The following DACH2 variants were observed in gnomAD, a reference collection of about 807,000 sequenced individuals.
DACH2 encodes dachshund family transcription factor 2.
DACH2 carries 17 observed loss-of-function variants against 35.8 expected under a neutral mutation model. The ratio of observed to expected loss-of-function variants is 0.48; its 90% CI spans 0.33 to 0.71. The LOEUF (loss-of-function observed/expected upper bound fraction) is 0.71. DACH2 is among the 30% of genes least tolerant of loss of function. The probability of loss-of-function intolerance (pLI) is 0.02; values close to 1 mark genes in which losing one functional copy is unlikely to be tolerated. For synonymous variants in DACH2, 195 were observed against 177.3 expected, an observed-to-expected ratio of 1.10 and a Z score of -0.79; for missense variants, 469 against 472.7, an observed-to-expected ratio of 0.99 and a Z score of 0.07.
At chrX:86,396,267 C>A in intron 2 of DACH2, among the ~76,000 whole-genome samples, 1 of 103,930 alleles carries the variant, frequency 9.6e-6, no homozygotes, top group African/African-American at 3.5e-5. Context: ...TGTTTGAGTT[C>A]ATTGTAGATT....
At chrX:86,759,792 A>G (rs886492081) in intron 7 of DACH2, among the ~76,000 whole-genome samples, 15 of 111,146 alleles carry the variant, frequency 1.3e-4, no homozygotes, top group Admixed American at 5.8e-4. Context: ...TTGCTTTTGC[A>G]CTAGCTCTAC....
Position 86,642,655 on chromosome X carries a change from T to C in DACH2, c.641-8381T>C, listed in dbSNP as rs765919808. On this transcript the variant is annotated intron_variant, in intron 3 of 11. Coordinates refer to ENST00000373125, the MANE Select transcript of DACH2 (RefSeq NM_053281.3). ...TCACCCTAAAACAACAGAATATTCA[T>C]TCTTCTCATTGCCACATGGCACATA... Among the ~76,000 whole-genome samples the C allele has an allele frequency of 2.7e-5, 3 of 112,266 alleles. No individual in the cohort carries two copies. The South Asian group carries it at 1.1e-3, about 41-fold the overall frequency.
chrX:86,728,560 A>T (rs1268220650), intron 6 of DACH2, among the ~76,000 whole-genome samples: 1 of 112,888 alleles, frequency 8.9e-6, no homozygotes, highest in African/African-American at 3.2e-5. Flanking sequence ...GGTATTTCAT[A>T]GAACTTCATG....
At chrX:86,321,507 C>T (rs1263570239) in intron 1 of DACH2, among the ~76,000 whole-genome samples, 2 of 111,676 alleles carry the variant, frequency 1.8e-5, no homozygotes, top group Admixed American at 9.5e-5. Flanking sequence ...TCCTTTGGCC[C>T]TCTAATATGT....
intron 2 of DACH2, among the ~76,000 whole-genome samples, chrX:86,466,366 C>T (rs1602551380): frequency 9.2e-6 from 1 of 108,896 alleles, no homozygotes; most frequent in African/African-American, 3.4e-5. Flanking sequence ...GAGCCAAACC[C>T]ATTGGGTCCC....
intron 2 of DACH2, among the ~76,000 whole-genome samples, chrX:86,454,414 A>C (rs7882728): frequency 3.6e-4 from 40 of 111,856 alleles, no homozygotes; most frequent in African/African-American, 1.2e-3. Flanking sequence ...AGGTACCCCA[A>C]TCAGTCATAG....
Position 86,541,384 on chromosome X carries a change from G to A in DACH2, c.640+26993G>A, listed in dbSNP as rs923346006. 2.7e-5 allele frequency among the ~76,000 whole-genome samples: 3 copies of A among 110,347 alleles called. No homozygotes were observed. In the Admixed American group the frequency reaches 2.9e-4, roughly 11 times the overall value. On this transcript the variant is annotated intron_variant, in intron 3 of 11. Coordinates refer to ENST00000373125, the MANE Select transcript of DACH2 (RefSeq NM_053281.3). ...ATTTTCTCTCACCCCTTCCCCCCTT[G>A]TCTAGCACGGTATATTTCCTTTAAT...
chrX:86,601,063 A>G (rs925400132), intron 3 of DACH2, among the ~76,000 whole-genome samples: 1 of 111,157 alleles, frequency 9.0e-6, no homozygotes, highest in Non-Finnish European at 1.9e-5. Context: ...AACAGTAGGC[A>G]TTCACTTTTC....
At position 86,438,219 on chromosome X, in the gene DACH2, GTTTTTTTTT is replaced by G. The variant is rs695264; in HGVS notation, c.527+61370_527+61378del. Among the ~76,000 whole-genome samples, 26 of 81,139 alleles carry G rather than the reference GTTTTTTTTT, an allele frequency of 3.2e-4. No individual in the cohort carries two copies. In the East Asian group the frequency reaches 4.4e-3, roughly 14 times the overall value. 70.5% of individuals were successfully genotyped at this position (81,139 alleles called of 115,157 possible). A position where few individuals can be genotyped will look rare whatever the true frequency, so the allele number is the denominator to read the frequency against. ...TTCTGCAAAGGACATGATCTCGTAG[GTTTTTTTTT>G]TTTTTTTTTTTTGAGACAGAGTTTC... is the stretch of plus-strand genomic sequence containing the variant. On this transcript the variant is annotated intron_variant, in intron 2 of 11. Transcript: ENST00000373125.
intron 2 of DACH2, among the ~76,000 whole-genome samples, chrX:86,443,154 T>C (rs1002881440): frequency 8.9e-6 from 1 of 111,936 alleles, no homozygotes; most frequent in Non-Finnish European, 1.9e-5. Context: ...ATCTGTAATA[T>C]TGACGTTTTT....
chrX:86,395,779 G>A (rs947295025), intron 2 of DACH2, among the ~76,000 whole-genome samples: 2 of 111,963 alleles, frequency 1.8e-5, no homozygotes, highest in Non-Finnish European at 3.8e-5. Context: ...TGTTAACCCA[G>A]TCTATCATTG....
At chrX:86,342,050 G>A (rs2035422575) in intron 1 of DACH2, among the ~76,000 whole-genome samples, 1 of 111,980 alleles carries the variant, frequency 8.9e-6, no homozygotes, top group African/African-American at 3.2e-5. Flanking sequence ...CATAAACGTA[G>A]TTGATAAAGC....
At position 86,241,210 on chromosome X, in the gene DACH2, G is replaced by A. The variant is rs370548980; in HGVS notation, c.488+92102G>A. 5.4e-5 allele frequency among the ~76,000 whole-genome samples: 6 copies of A among 111,987 alleles called. No individual in the cohort carries two copies. In the South Asian group the frequency reaches 2.2e-3, roughly 42 times the overall value. On this transcript the variant is annotated intron_variant, in intron 1 of 11. Coordinates refer to ENST00000373125, the MANE Select transcript of DACH2 (RefSeq NM_053281.3). ...GTTTTGAACTTCCTAGAGACTTGTT[G>A]TATGGTTTTAACCAAAATACTGATA...
intron 1 of DACH2, among the ~76,000 whole-genome samples, chrX:86,187,908 A>G (rs1158509708): frequency 8.9e-6 from 1 of 112,023 alleles, no homozygotes; most frequent in Admixed American, 9.5e-5. Flanking sequence ...ACATAGGATA[A>G]AGGAAATAAT....
intron 2 of DACH2, among the ~76,000 whole-genome samples, chrX:86,449,490 G>A (rs182164760): frequency 9.6e-4 from 107 of 111,221 alleles, no homozygotes; most frequent in African/African-American, 3.3e-3. Flanking sequence ...TTATATTCAA[G>A]GACATTATTG....
At chrX:86,469,842 TTG>T (rs59130472) in intron 2 of DACH2, among the ~76,000 whole-genome samples, 2,302 of 102,320 alleles carry the variant, frequency 0.022, 48 homozygotes, top group African/African-American at 0.064. Flanking sequence ...CTGTGTGTGT[TTG>T]TGTGTGTGTG....
chrX:86,596,999 A>G (rs536734624), intron 3 of DACH2, among the ~76,000 whole-genome samples: 3 of 111,553 alleles, frequency 2.7e-5, no homozygotes, highest in African/African-American at 6.5e-5. Flanking sequence ...CTACATGTCT[A>G]TCTTTACAAA....
intron 2 of DACH2, among the ~76,000 whole-genome samples, chrX:86,381,457 A>T (rs982342804): frequency 9.0e-5 from 10 of 110,659 alleles, no homozygotes; most frequent in Non-Finnish European, 1.9e-4. Flanking sequence ...GTATCGTCTA[A>T]GTTACAAGCA....
intron 1 of DACH2, among the ~76,000 whole-genome samples, chrX:86,323,742 A>G (rs898431654): frequency 2.7e-5 from 3 of 111,085 alleles, no homozygotes; most frequent in Non-Finnish European, 5.7e-5. Context: ...GCACAACGGC[A>G]AAGTTCTCCA....
Sources: allele counts gnomAD v4.1 joint callset (sites outside exome capture counted in the v4.1 genomes callset), GRCh38; gene constraint gnomAD v4.1.1; transcripts MANE v1.5; gene names NCBI Gene and HGNC (gene_info 2026-07-23, HGNC 2026-07-21).